ZNF184: variants seen among roughly 807,000 people sequenced by gnomAD.
ZNF184 encodes zinc finger protein 184.
Under a neutral mutation model 54.4 loss-of-function variants are expected in ZNF184, and 16 were observed. The observed-to-expected ratio is 0.29, with a 90% CI of 0.20 to 0.45. The LOEUF (loss-of-function observed/expected upper bound fraction) is 0.45, where lower values mean the gene tolerates loss of function less well. ZNF184 is among the 20% of genes least tolerant of loss of function. The pLI is 1.00. For missense variants in ZNF184, 681 were observed against 888.2 expected (o/e 0.77, Z 2.97); for synonymous variants, 254 against 295.3 (o/e 0.86, Z 1.43).
intron 3 of ZNF184, among the ~76,000 whole-genome samples, chr6:27,465,015 T>TAAAAAAAAA (rs1763090571): frequency 1.2e-4 from 1 of 8,130 alleles, no homozygotes; most frequent in Non-Finnish European, 2.4e-4. Context: ...AGACTCTGTC[T>TAAAAAAAAA]CAAAAAAAAA....
At chr6:27,429,242 A>G in the ZNF184 span, among the ~76,000 whole-genome samples, 3 of 152,212 alleles carry the variant, frequency 2.0e-5, no homozygotes, top group South Asian at 2.1e-4. Context: ...CTGTCTCCAC[A>G]ATTACACATT....
At position 27,452,883 on chromosome 6, in the gene ZNF184, C is replaced by T; in HGVS notation, c.676G>A (p.Glu226Lys). ...CAATAACTAAAGGCTTTCCCACATT[C>T]ATTGCACTTACAAGATTTCTCTTTT... ...VKKEKSCKCN[E>K]CGKAFSYCSA... Residue 226 changes from glutamate (E) to lysine (K), a missense_variant, in exon 6 of 6, where the codon GAA becomes AAA. Coordinates refer to ENST00000683788, the MANE Select transcript of ZNF184 (RefSeq NM_001318891.2). The surrounding 1 kb of genome is among the most constrained non-coding windows in gnomAD (Gnocchi z 5.5). The T allele has an allele frequency of 1.2e-6, 2 of 1,614,154 alleles. No individual in the cohort carries two copies. The highest frequency in any genetic ancestry group is 2.2e-5 in the South Asian group (2 of 91,080).
At chr6:27,412,117 G>A in the ZNF184 span, among the ~76,000 whole-genome samples, 3 of 152,210 alleles carry the variant, frequency 2.0e-5, no homozygotes, top group African/African-American at 7.2e-5. Context: ...TTTGGGTGGA[G>A]CCGTGGGTGT....
At chr6:27,459,485 G>A (rs192032491) in intron 3 of ZNF184, among the ~76,000 whole-genome samples, 207 of 151,974 alleles carry the variant, frequency 1.4e-3, no homozygotes, top group African/African-American at 4.7e-3. Flanking sequence ...ATGAAAAGAT[G>A]CTCCCCTCCC....
Position 27,451,185 on chromosome 6 carries a change from T to C in ZNF184, c.*118A>G, listed in dbSNP as rs1762705176. On this transcript the variant is annotated 3_prime_UTR_variant, in exon 6 of 6. Coordinates refer to ENST00000683788, the MANE Select transcript of ZNF184 (RefSeq NM_001318891.2). ...ATGTACTTTCCATTCCATAACATGA[T>C]AGTGAAAATTTAAAAGATTTCAAGG... 1 of 1,217,950 alleles carries C rather than the reference T, an allele frequency of 8.2e-7. No individual in the cohort carries two copies. Among genetic ancestry groups the C allele is most frequent in the Non-Finnish European group, 1.1e-6 (1 of 881,844 alleles). 75.4% of individuals were successfully genotyped at this position (1,217,950 alleles called of 1,614,324 possible).
At chr6:27,426,769 C>A in the ZNF184 span, among the ~76,000 whole-genome samples, 1 of 152,128 alleles carries the variant, frequency 6.6e-6, no homozygotes, top group Non-Finnish European at 1.5e-5. This position sits in a 1 kb window ranked among gnomAD's most constrained non-coding sequence, Gnocchi z 4.2. Context: ...TCTTCCTTGC[C>A]ATCCACTTAT....
At position 27,451,203 on chromosome 6, in the gene ZNF184, T is replaced by C. The variant is rs990030951; in HGVS notation, c.*100A>G. On this transcript the variant is annotated 3_prime_UTR_variant, in exon 6 of 6. Coordinates refer to ENST00000683788, the MANE Select transcript of ZNF184 (RefSeq NM_001318891.2). ...AACATGATAGTGAAAATTTAAAAGATTTCAAGGCAGTTTCTAAATCCACTC... is the reference window on the plus strand; with the variant it reads ...AACATGATAGTGAAAATTTAAAAGACTTCAAGGCAGTTTCTAAATCCACTC... 2.9e-6 allele frequency: 4 copies of C among 1,394,138 alleles called. No individual in the cohort carries two copies. Among genetic ancestry groups the C allele is most frequent in the African/African-American group, 2.9e-5 (2 of 69,228 alleles). The allele number at this position is 1,394,138 out of a possible 1,614,324, so 86.4% of individuals were successfully genotyped here. A position where few individuals can be genotyped will look rare whatever the true frequency, so the allele number is the denominator to read the frequency against.
At chr6:27,463,618 T>C (rs1194791942) in intron 3 of ZNF184, among the ~76,000 whole-genome samples, 4 of 151,532 alleles carry the variant, frequency 2.6e-5, no homozygotes, top group Admixed American at 2.6e-4. Flanking sequence ...CACAAAAAAA[T>C]TGCACCAAAA....
the ZNF184 span, among the ~76,000 whole-genome samples, chr6:27,440,930 G>A: frequency 6.6e-6 from 1 of 152,002 alleles, no homozygotes; most frequent in Admixed American, 6.5e-5. Flanking sequence ...GCATGAACCC[G>A]GGAGGCGGAG....
chr6:27,465,016 C>A (rs1249470409), intron 3 of ZNF184, among the ~76,000 whole-genome samples: 603 of 48,716 alleles, frequency 0.012, no homozygotes, highest in East Asian at 0.022. Flanking sequence ...GACTCTGTCT[C>A]AAAAAAAAAA....
chr6:27,452,611 A>G lies in ZNF184; in HGVS notation c.948T>C (p.Ser316=). The change falls in exon 6 of 6, where the codon AGT becomes AGC. Residue 316 remains serine (S), a synonymous_variant. Coordinates refer to ENST00000683788, the MANE Select transcript of ZNF184 (RefSeq NM_001318891.2). This position sits in a 1 kb window ranked among gnomAD's most constrained non-coding sequence, Gnocchi z 5.5. ...YKCDECGKAF[S]QRTHLVQHQR... ...GATGCTGAACAAGATGGGTCCTCTGACTAAAGGCTTTCCCACATTCATCAC... is the reference window on the plus strand; with the variant it reads ...GATGCTGAACAAGATGGGTCCTCTGGCTAAAGGCTTTCCCACATTCATCAC... The G allele has an allele frequency of 6.2e-7, 1 of 1,613,798 alleles. No individual in the cohort carries two copies. Among genetic ancestry groups the G allele is most frequent in the South Asian group, 1.1e-5 (1 of 91,058 alleles).
chr6:27,465,509 A>AG (rs1763112510), intron 3 of ZNF184, among the ~76,000 whole-genome samples: 31 of 142,662 alleles, frequency 2.2e-4, no homozygotes, highest in African/African-American at 7.4e-4. Flanking sequence ...AAAAAAAAAA[A>AG]GCAAAACCCA....
chr6:27,417,100 C>G, the ZNF184 span, among the ~76,000 whole-genome samples: 9 of 152,052 alleles, frequency 5.9e-5, no homozygotes, highest in Non-Finnish European at 1.0e-4. Context: ...TTAGTCCATG[C>G]CTATCCCAAT....
rs1762778351 is a variant in ZNF184 at position 27,453,213 on chromosome 6, T to C, written c.346A>G (p.Ile116Val). 6.2e-7 allele frequency: 1 copy of C among 1,612,838 alleles called. No individual in the cohort carries two copies. Among genetic ancestry groups the C allele is most frequent in the East Asian group, 2.2e-5 (1 of 44,876 alleles). ...TCTGGAGATAGCTCTTCTTCAGAAATGTCAGGCTCTGGGGCTGACACACTA... is the reference window on the plus strand; with the variant it reads ...TCTGGAGATAGCTCTTCTTCAGAAACGTCAGGCTCTGGGGCTGACACACTA... Reference protein sequence around the residue: ...ENSVSAPEPDISEEELSPEVI... With the variant: ...ENSVSAPEPDVSEEELSPEVI... Residue 116 changes from isoleucine (I) to valine (V), a missense_variant, in exon 6 of 6, where the codon ATT (isoleucine) becomes GTT (valine). Transcript: ENST00000683788. The surrounding 1 kb of genome is among the most constrained non-coding windows in gnomAD (Gnocchi z 4.7).
At chr6:27,446,567 C>A (rs996770092), downstream of ZNF184, among the ~76,000 whole-genome samples, 2 of 152,186 alleles carry the variant, frequency 1.3e-5, no homozygotes, top group African/African-American at 4.8e-5. Context: ...CTGCAGAGAG[C>A]CCCTACGACA....
chr6:27,406,256 G>A, the ZNF184 span: 8 of 152,390 alleles, frequency 5.2e-5, no homozygotes, highest in African/African-American at 1.9e-4. Context: ...GGTCCATCAA[G>A]TCCATGACAG....
rs543612197 is a variant in ZNF184, at chr6:27,453,236, C to G, written c.323G>C (p.Ser108Thr). ...CADWETRLEN[S>T]VSAPEPDISE... ...AATGTCAGGCTCTGGGGCTGACACA[C>G]TATTTTCAAGTCTTGTCTCCCAGTC... The change falls in exon 6 of 6, where the codon AGT (serine) becomes ACT (threonine). Residue 108 changes from serine (S) to threonine (T), a missense_variant. Physicochemically the swap from Ser to Thr is moderately conservative, Grantham distance 58. Transcript: ENST00000683788. The surrounding 1 kb of genome is among the most constrained non-coding windows in gnomAD (Gnocchi z 4.7). The G allele has an allele frequency of 8.7e-6, 14 of 1,603,198 alleles. No homozygotes were observed. Among genetic ancestry groups the G allele is most frequent in the South Asian group, 3.4e-5 (3 of 88,812 alleles).
rs1439026814 is a variant in ZNF184, at chr6:27,451,536, A to G, written c.2023T>C (p.Cys675Arg). 6.2e-7 allele frequency: 1 copy of G among 1,614,132 alleles called. No homozygotes were observed. Residue 675 changes from cysteine (C) to arginine (R), a missense_variant, in exon 6 of 6, where the codon TGT (cysteine) becomes CGT (arginine). Transcript: ENST00000683788. ...TGEKPYKCNE[C>R]DKAFSRSTHL... ...GTGCTCCGGCTAAAGGCTTTGTCAC[A>G]TTCATTGCACTTATAGGGCTTCTCC...
the ZNF184 span, among the ~76,000 whole-genome samples, chr6:27,425,634 T>TA: frequency 5.3e-5 from 8 of 152,082 alleles, no homozygotes; most frequent in South Asian, 4.2e-4. Flanking sequence ...GCAATAAACT[T>TA]AAAAAAAATG....
Sources: allele counts gnomAD v4.1 joint callset (sites outside exome capture counted in the v4.1 genomes callset), GRCh38; gene constraint gnomAD v4.1.1; non-coding constraint Gnocchi (gnomAD v3.1); transcripts MANE v1.5; gene names NCBI Gene and HGNC (gene_info 2026-07-23, HGNC 2026-07-21).